WWP2: variants seen among roughly 807,000 people sequenced by gnomAD.
WWP2 encodes the protein NEDD4-like E3 ubiquitin-protein ligase WWP2.
A neutral mutation model predicts 121.0 loss-of-function variants in WWP2; 57 were observed. That is an observed-to-expected ratio of 0.47 (90% confidence interval 0.38 to 0.59). The LOEUF (loss-of-function observed/expected upper bound fraction) is 0.59. WWP2 is among the 20% of genes least tolerant of loss of function. The probability of loss-of-function intolerance (pLI) is 0.00; values close to 1 mark genes in which losing one functional copy is unlikely to be tolerated. For missense variants in WWP2, 962 were observed against 1,158.9 expected (o/e 0.83, Z 2.47); for synonymous variants, 449 against 441.3 (o/e 1.02, Z -0.22).
At chr16:69,829,981 G>T in intron 4 of WWP2, among the ~76,000 whole-genome samples, 1 of 147,240 alleles carries the variant, frequency 6.8e-6, no homozygotes, top group Non-Finnish European at 1.5e-5. Context: ...TTCAGATAGA[G>T]TCTAACTCTT....
chr16:69,772,448 C>T (rs2055437298), intron 1 of WWP2, among the ~76,000 whole-genome samples: 1 of 152,096 alleles, frequency 6.6e-6, no homozygotes, highest in African/African-American at 2.4e-5. Flanking sequence ...TGGCTTTGCC[C>T]TGGAAAGAAT....
At chr16:69,884,803 C>T (rs2057894302) in intron 7 of WWP2, among the ~76,000 whole-genome samples, 1 of 152,092 alleles carries the variant, frequency 6.6e-6, no homozygotes, top group Non-Finnish European at 1.5e-5. Flanking sequence ...ATTTCTCCTG[C>T]CTTTTCTTTA....
At chr16:69,805,542 T>A (rs2056257658) in intron 4 of WWP2, among the ~76,000 whole-genome samples, 1 of 152,100 alleles carries the variant, frequency 6.6e-6, no homozygotes, top group Admixed American at 6.6e-5. Flanking sequence ...ATTTTATTTT[T>A]TGGCACCTTT....
intron 12 of WWP2, 71 bp downstream of exon 12, chr16:69,929,600 G>C: frequency 1.5e-6 from 2 of 1,375,592 alleles, no homozygotes; most frequent in South Asian, 2.4e-5. Context: ...TGGGCAGGTG[G>C]CTTTGGACTG....
At chr16:69,917,532 G>A (rs2058494760) in intron 9 of WWP2, 177 bp from the exon 10 acceptor site, 3 of 601,230 alleles carry the variant, frequency 5.0e-6, no homozygotes, top group Admixed American at 3.2e-5. Flanking sequence ...GAGAGCTAAT[G>A]GCAAGGAGGG....
At chr16:69,842,243 AC>A in intron 6 of WWP2, 123 bp downstream of exon 6, 1 of 917,474 alleles carries the variant, frequency 1.1e-6, no homozygotes, top group Non-Finnish European at 1.7e-6. Context: ...AGATCTTGTA[AC>A]TGACTCAGTA....
intron 4 of WWP2, among the ~76,000 whole-genome samples, chr16:69,804,319 A>G (rs1373872004): frequency 6.6e-6 from 1 of 151,870 alleles, no homozygotes; most frequent in African/African-American, 2.4e-5. Context: ...CTGGGTGTTT[A>G]TGATTTTATT....
intron 6 of WWP2, among the ~76,000 whole-genome samples, chr16:69,857,537 T>A (rs1165532552): frequency 6.6e-6 from 1 of 152,198 alleles, no homozygotes; most frequent in Non-Finnish European, 1.5e-5. Flanking sequence ...GCTCATTGAC[T>A]GGCTCCCGGC....
chr16:69,906,619 G>A (rs1052170644), intron 8 of WWP2, among the ~76,000 whole-genome samples: 10 of 152,178 alleles, frequency 6.6e-5, no homozygotes, highest in African/African-American at 1.2e-4. Flanking sequence ...GGGTAGGCAC[G>A]TTGGTTTGTG....
intron 4 of WWP2, among the ~76,000 whole-genome samples, chr16:69,830,866 T>G (rs1437941541): frequency 6.6e-6 from 1 of 152,196 alleles, no homozygotes; most frequent in Non-Finnish European, 1.5e-5. Context: ...CCAGCCTGTG[T>G]GTGTCTGAGT....
chr16:69,903,776 A>G (rs557843954), intron 8 of WWP2, among the ~76,000 whole-genome samples: 2 of 152,154 alleles, frequency 1.3e-5, no homozygotes, highest in African/African-American at 4.8e-5. Context: ...CAAAAAAAAA[A>G]AAAAAGAAAG....
chr16:69,771,773 A>C (rs1042494291), intron 1 of WWP2, among the ~76,000 whole-genome samples: 1 of 151,986 alleles, frequency 6.6e-6, no homozygotes, highest in African/African-American at 2.4e-5. Flanking sequence ...TGAAGTACAC[A>C]TGTATGCTAG....
At position 69,901,060 on chromosome 16, in the gene WWP2, G is replaced by C. The variant is rs1016039034; in HGVS notation, c.915-7701G>C. On this transcript the variant is annotated intron_variant, in intron 8 of 23. Coordinates refer to ENST00000359154, the MANE Select transcript of WWP2 (RefSeq NM_001270454.2). ...CACATTTCCTACCCAGTTTACAAAG[G>C]ACCTACTGAAGCACTAAACACAGTG... is the stretch of plus-strand genomic sequence containing the variant. 3.3e-5 allele frequency among the ~76,000 whole-genome samples: 5 copies of C among 152,048 alleles called. 1 individual carries two copies. Among genetic ancestry groups the C allele is most frequent in the African/African-American group, 1.2e-4 (5 of 41,390 alleles).
Position 69,937,760 on chromosome 16 carries a change from T to C in WWP2, c.2343+108T>C. 2 of 1,020,144 alleles carry C rather than the reference T, an allele frequency of 2.0e-6. No individual in the cohort carries two copies. The highest frequency in any genetic ancestry group is 2.9e-6 in the Non-Finnish European group (2 of 679,632). 63.2% of individuals were successfully genotyped at this position (1,020,144 alleles called of 1,614,324 possible). The stretch of plus-strand genomic sequence containing the variant: ...GGACCTTCAGCTTTGGCCCTGTCCT[T>C]GCCTCCCACACCTTGCAAAAGGAGA... On this transcript the variant is annotated intron_variant, in intron 21 of 23. Coordinates refer to ENST00000359154, the MANE Select transcript of WWP2 (RefSeq NM_001270454.2). This position sits in a 1 kb window ranked among gnomAD's most constrained non-coding sequence, Gnocchi z 6.6.
chr16:69,883,714 C>T (rs1166402163), intron 7 of WWP2, among the ~76,000 whole-genome samples: 2 of 152,080 alleles, frequency 1.3e-5, no homozygotes, highest in African/African-American at 4.8e-5. Context: ...CTTTCTGATG[C>T]TCTCCCTCCC....
At chr16:69,815,396 C>T (rs932242556) in intron 4 of WWP2, among the ~76,000 whole-genome samples, 1 of 151,990 alleles carries the variant, frequency 6.6e-6, no homozygotes, top group Non-Finnish European at 1.5e-5. Context: ...TAACCTTGAA[C>T]TCCTGGCCCT....
intron 1 of WWP2, among the ~76,000 whole-genome samples, chr16:69,765,294 T>C (rs1305662615): frequency 6.6e-6 from 1 of 152,210 alleles, no homozygotes; most frequent in Non-Finnish European, 1.5e-5. Flanking sequence ...TTTTTTCTTT[T>C]TAAAATGTAT....
At chr16:69,842,815 A>T (rs181855695) in intron 6 of WWP2, among the ~76,000 whole-genome samples, 21 of 152,088 alleles carry the variant, frequency 1.4e-4, no homozygotes, top group Non-Finnish European at 2.2e-4. Context: ...GACAGCAGGC[A>T]TGTGCCACCA....
chr16:69,862,712 T>A (rs1472435518), intron 6 of WWP2, among the ~76,000 whole-genome samples: 1 of 139,870 alleles, frequency 7.1e-6, no homozygotes, highest in Non-Finnish European at 1.5e-5. Flanking sequence ...TGAATTCTTT[T>A]TTTTTTTTTT....
Sources: gnomAD v4.1 joint callset for allele counts (sites outside exome capture counted in the v4.1 genomes callset) on GRCh38, gnomAD v4.1.1 for gene constraint, Gnocchi (gnomAD v3.1) non-coding constraint, MANE v1.5 for transcripts, NCBI Gene and HGNC (gene_info 2026-07-23, HGNC 2026-07-21) for gene names.